USP47: variants seen among roughly 807,000 people sequenced by gnomAD.
USP47 encodes the protein ubiquitin specific peptidase 47, also known as ubiquitin carboxyl-terminal hydrolase 47.
A neutral mutation model predicts 165.1 loss-of-function variants in USP47; 35 were observed. The observed-to-expected ratio is 0.21, with a 90% CI of 0.16 to 0.28. The LOEUF (loss-of-function observed/expected upper bound fraction) is 0.28, where lower values mean the gene tolerates loss of function less well. Among genes scored for constraint, USP47 ranks in the 10% least tolerant of loss-of-function variants. The pLI, the probability that USP47 is intolerant of heterozygous loss-of-function variation, is 1.00. For synonymous variants in USP47, 531 were observed against 544.5 expected, an observed-to-expected ratio of 0.98 and a Z score of 0.35; for missense variants, 1,277 against 1,607.4, an observed-to-expected ratio of 0.79 and a Z score of 3.52.
At position 11,905,416 on chromosome 11, in the gene USP47, G is replaced by T; in HGVS notation, c.837G>T (p.Glu279Asp). 1 of 1,589,372 alleles carries T rather than the reference G, an allele frequency of 6.3e-7. No homozygotes were observed. Among genetic ancestry groups the T allele is most frequent in the Non-Finnish European group, 8.6e-7 (1 of 1,164,602 alleles). Residue 279 changes from glutamate to aspartate, a missense_variant, in exon 8 of 28, where the codon GAG becomes GAT. By Grantham distance (45) the Glu-to-Asp change is conservative. Around this residue, in one of 4 missense-constraint regions of USP47, gnomAD observed 175 missense variants for 295.8 expected, o/e 0.59. Coordinates refer to ENST00000527733, the MANE Select transcript of USP47 (RefSeq NM_001282659.2). Reference sequence around the variant, plus strand: ...ATTTTTAGGCTGATCTTATAAATGAGCTATATCAAGGCAAGCTGAAGGACT... The same window carrying T: ...ATTTTTAGGCTGATCTTATAAATGATCTATATCAAGGCAAGCTGAAGGACT... ...KQTEQADLIN[E>D]LYQGKLKDYV...
At chr11:11,922,984 C>G (rs1454255508) in intron 11 of USP47, 93 bp downstream of exon 11, 3 of 1,120,714 alleles carry the variant, frequency 2.7e-6, no homozygotes, top group Non-Finnish European at 3.6e-6. Flanking sequence ...ATAAAGTTAT[C>G]TTTAAAAGAA....
chr11:11,944,403 A>G (rs1002447186), intron 20 of USP47, among the ~76,000 whole-genome samples: 1 of 152,182 alleles, frequency 6.6e-6, no homozygotes, highest in Non-Finnish European at 1.5e-5. Context: ...CTGGAATCAT[A>G]CAACATTCAT....
rs1304428152 is a variant in USP47 at position 11,956,420 on chromosome 11, AAAC to A, written c.*251_*253del. ...AAGGGATGTGCAAAAAAATAAAAAAAAACAACAAAAAAAGCTAACCTTCTATTA... is the reference window on the plus strand; with the variant it reads ...AAGGGATGTGCAAAAAAATAAAAAAAAACAAAAAAAGCTAACCTTCTATTA... On this transcript the variant is annotated 3_prime_UTR_variant, in exon 28 of 28. Transcript: ENST00000527733. The A allele has an allele frequency of 1.5e-5, 5 of 332,826 alleles. No individual in the cohort carries two copies. The highest frequency in any genetic ancestry group is 1.1e-4 in the South Asian group (1 of 9,466). 20.6% of individuals were successfully genotyped at this position (332,826 alleles called of 1,614,324 possible). A position where few individuals can be genotyped will look rare whatever the true frequency, so the allele number is the denominator to read the frequency against.
At chr11:11,905,721 T>C (rs1852512109) in intron 8 of USP47, among the ~76,000 whole-genome samples, 173 bp downstream of exon 8, 1 of 152,206 alleles carries the variant, frequency 6.6e-6, no homozygotes, top group African/African-American at 2.4e-5. Context: ...CAGTGAGTCC[T>C]AATAGTGCAT....
At chr11:11,952,593 C>T (rs1381400799) in intron 24 of USP47, 148 bp from the exon 25 acceptor site, 8 of 769,784 alleles carry the variant, frequency 1.0e-5, no homozygotes, top group Non-Finnish European at 1.5e-5. Context: ...CTCAAAAACT[C>T]CTTGGGATAA....
chr11:11,842,326 C>A, intron 1 of USP47, 102 bp downstream of exon 1: 1 of 1,362,602 alleles, frequency 7.3e-7, no homozygotes, highest in Non-Finnish European at 1.0e-6. Flanking sequence ...GGTGCAGGCT[C>A]GGCTGTGGGG....
At chr11:11,941,456 C>T (rs1855464289) in intron 19 of USP47, among the ~76,000 whole-genome samples, 1 of 151,738 alleles carries the variant, frequency 6.6e-6, no homozygotes, top group Non-Finnish European at 1.5e-5. Flanking sequence ...TTATAATTGC[C>T]AAATTTATGC....
In USP47 at chr11:11,888,266, A is replaced by G. The variant is rs116298688; in HGVS notation, c.357+3686A>G. 4.0e-3 allele frequency among the ~76,000 whole-genome samples: 609 copies of G among 152,264 alleles called. 6 individuals carry two copies. Among genetic ancestry groups the G allele is most frequent in the African/African-American group, 0.014 (562 of 41,570 alleles). On this transcript the variant is annotated intron_variant, in intron 3 of 27. Coordinates refer to ENST00000527733, the MANE Select transcript of USP47 (RefSeq NM_001282659.2). ...GACACGAAAAACCTTTCAAAAATCA[A>G]CAAATCCAGGAGTTGGTTTTTTGAA...
At chr11:11,868,967 GGATT>G (rs552867879) in intron 1 of USP47, among the ~76,000 whole-genome samples, 65 of 151,858 alleles carry the variant, frequency 4.3e-4, no homozygotes, top group African/African-American at 1.4e-3. Flanking sequence ...TGTGCTAATT[GGATT>G]GTTTGCTTTT....
chr11:11,933,748 TTG>T, intron 15 of USP47, 81 bp from the exon 16 acceptor site: 1 of 959,544 alleles, frequency 1.0e-6, no homozygotes, highest in South Asian at 1.5e-5. Flanking sequence ...TTGCAGTATT[TTG>T]ACAATTAGGA....
chr11:11,871,501 C>CAA (rs71037046), intron 1 of USP47, among the ~76,000 whole-genome samples: 894 of 63,096 alleles, frequency 0.014, 169 homozygotes, highest in Middle Eastern at 0.049. Context: ...AACTCCCTCT[C>CAA]AAAAAAAAAA....
intron 7 of USP47, 68 bp from the exon 8 acceptor site, chr11:11,905,331 G>A (rs913732261): frequency 1.7e-6 from 2 of 1,203,532 alleles, no homozygotes; most frequent in South Asian, 2.1e-5. Context: ...TCTAAAAAGT[G>A]TAGAATGTTA....
chr11:11,869,739 A>C (rs1304220808), intron 1 of USP47, among the ~76,000 whole-genome samples: 2 of 152,184 alleles, frequency 1.3e-5, no homozygotes, highest in African/African-American at 4.8e-5. Context: ...GATAGTATTA[A>C]GAGATGTCAA....
chr11:11,927,381 A>G (rs1854327832), intron 11 of USP47, among the ~76,000 whole-genome samples: 1 of 152,026 alleles, frequency 6.6e-6, no homozygotes, highest in Non-Finnish European at 1.5e-5. Context: ...TAGTGTTACC[A>G]GTTTTTGTAA....
chr11:11,880,132 G>T, intron 1 of USP47, 45 bp from the exon 2 acceptor site: 2 of 1,304,674 alleles, frequency 1.5e-6, no homozygotes, highest in East Asian at 2.8e-5. Context: ...CTTTTGTTTT[G>T]CTTTAAAGAT....
chr11:11,948,630 CAT>C (rs1856010200), intron 22 of USP47, 72 bp downstream of exon 22: 1 of 1,400,542 alleles, frequency 7.1e-7, no homozygotes, highest in African/African-American at 1.5e-5. Flanking sequence ...ATATTTTATT[CAT>C]AGTCATTTTA....
At chr11:11,928,680 A>G (rs555860992) in intron 11 of USP47, among the ~76,000 whole-genome samples, 5 of 152,138 alleles carry the variant, frequency 3.3e-5, no homozygotes, top group Admixed American at 2.6e-4. Flanking sequence ...CAGAGTCTCT[A>G]GTATCTCAAA....
chr11:11,946,803 A>C (rs1855875151), intron 20 of USP47, among the ~76,000 whole-genome samples: 1 of 152,196 alleles, frequency 6.6e-6, no homozygotes, highest in South Asian at 2.1e-4. Context: ...ATAGTAAATA[A>C]AGCTCATCAC....
chr11:11,864,529 G>T (rs921600590), intron 1 of USP47, among the ~76,000 whole-genome samples: 1 of 150,562 alleles, frequency 6.6e-6, no homozygotes, highest in Non-Finnish European at 1.5e-5. Flanking sequence ...TAAATAACTC[G>T]CCATTCCTCT....
Sources: allele counts gnomAD v4.1 joint callset (sites outside exome capture counted in the v4.1 genomes callset), GRCh38; gene constraint gnomAD v4.1.1; regional missense constraint gnomAD v4.1.1; transcripts MANE v1.5; gene names NCBI Gene and HGNC (gene_info 2026-07-23, HGNC 2026-07-21).